Variants in RFTN2 observed in about 807,000 individuals in gnomAD.
The protein encoded by RFTN2 is raftlin-2.
RFTN2 carries 34 observed loss-of-function variants against 52.7 expected under a neutral mutation model. The ratio of observed to expected loss-of-function variants is 0.64; its 90% confidence interval spans 0.49 to 0.86. The LOEUF (loss-of-function observed/expected upper bound fraction) is 0.86. Among genes scored for constraint, RFTN2 ranks in the 40% least tolerant of loss-of-function variants. The probability of loss-of-function intolerance (pLI) is 0.00; values close to 1 mark genes in which losing one functional copy is unlikely to be tolerated. For missense variants in RFTN2, 536 were observed against 600.1 expected (o/e 0.89, Z 1.12); for synonymous variants, 203 against 217.7 (o/e 0.93, Z 0.59).
intron 1 of RFTN2, among the ~76,000 whole-genome samples, chr2:197,662,740 C>G (rs1296886679): frequency 6.6e-6 from 1 of 151,832 alleles, no homozygotes; most frequent in Non-Finnish European, 1.5e-5. Flanking sequence ...CATGAGATGT[C>G]TTTTCTTTTG....
Position 197,595,996 on chromosome 2 carries a change from G to T in RFTN2, c.1228C>A (p.Pro410Thr), listed in dbSNP as rs1226130777. 1.2e-6 allele frequency: 2 copies of T among 1,600,954 alleles called. No homozygotes were observed. Among genetic ancestry groups the T allele is most frequent in the African/African-American group, 2.7e-5 (2 of 74,746 alleles). Residue 410 changes from proline (P) to threonine (T), a missense_variant, in exon 8 of 9, where the codon CCA becomes ACA. By Grantham distance (38) the Pro-to-Thr change is conservative. Coordinates refer to ENST00000295049, the MANE Select transcript of RFTN2 (RefSeq NM_144629.3). ...PVMWNSAAQT[P>T]DKKASRHIKG... ...AAAGCATCAATTTTACTCACATCTG[G>T]TGTTTGAGCAGCTGAATTCCACATA... is the stretch of plus-strand genomic sequence containing the variant.
At chr2:197,644,799 G>A (rs2088725417) in intron 2 of RFTN2, among the ~76,000 whole-genome samples, 1 of 152,152 alleles carries the variant, frequency 6.6e-6, no homozygotes, top group East Asian at 1.9e-4. Context: ...TGTCATGTTT[G>A]CTTAGTAATG....
intron 1 of RFTN2, among the ~76,000 whole-genome samples, chr2:197,648,909 T>G (rs2088788968): frequency 6.6e-6 from 1 of 152,198 alleles, no homozygotes; most frequent in African/African-American, 2.4e-5. Flanking sequence ...CTTATCAGAT[T>G]GTATTATAGT....
chr2:197,632,490 G>A (rs985356404), intron 4 of RFTN2, among the ~76,000 whole-genome samples: 2 of 152,166 alleles, frequency 1.3e-5, no homozygotes, highest in East Asian at 1.9e-4. Flanking sequence ...TGCCATGATT[G>A]TCAGTTTCCT....
intron 7 of RFTN2, among the ~76,000 whole-genome samples, chr2:197,599,076 C>T (rs1219315693): frequency 6.6e-6 from 1 of 151,966 alleles, no homozygotes; most frequent in Non-Finnish European, 1.5e-5. Context: ...CTCAGCCTCC[C>T]GAGTAGCTGG....
chr2:197,651,356 C>T (rs184894202), intron 1 of RFTN2, among the ~76,000 whole-genome samples: 119 of 152,254 alleles, frequency 7.8e-4, no homozygotes, highest in African/African-American at 2.7e-3. Flanking sequence ...CAGTGGCTCA[C>T]GCCCGTAATC....
intron 7 of RFTN2, among the ~76,000 whole-genome samples, chr2:197,605,285 G>A (rs944550827): frequency 5.3e-4 from 80 of 151,330 alleles, no homozygotes; most frequent in African/African-American, 1.8e-3. Flanking sequence ...ACGCAATCTC[G>A]GCTCACTGCC....
intron 7 of RFTN2, among the ~76,000 whole-genome samples, chr2:197,610,755 C>A (rs1474517307): frequency 1.3e-5 from 2 of 152,044 alleles, no homozygotes; most frequent in Admixed American, 1.3e-4. Context: ...GGGTTTGTCA[C>A]AAATAGCTCT....
At chr2:197,612,666 A>G (rs2088082183) in intron 7 of RFTN2, among the ~76,000 whole-genome samples, 1 of 152,228 alleles carries the variant, frequency 6.6e-6, no homozygotes, top group Admixed American at 6.5e-5. Flanking sequence ...ACTCTGGAAT[A>G]ATGTGGTGAT....
intron 8 of RFTN2, among the ~76,000 whole-genome samples, chr2:197,594,015 CTTT>C (rs11352058): frequency 1.8e-4 from 17 of 95,974 alleles, no homozygotes; most frequent in Non-Finnish European, 1.4e-4. Context: ...CAGAATATTT[CTTT>C]TTTTTTTTTT....
chr2:197,669,302 T>C (rs2106275220), intron 1 of RFTN2, among the ~76,000 whole-genome samples: 1 of 152,318 alleles, frequency 6.6e-6, no homozygotes, highest in African/African-American at 2.4e-5. Context: ...CCACAGAGTT[T>C]TCTCTCTTCT....
chr2:197,664,774 G>C (rs1288945090), intron 1 of RFTN2, among the ~76,000 whole-genome samples: 1 of 152,106 alleles, frequency 6.6e-6, no homozygotes, highest in Admixed American at 6.5e-5. Context: ...AACAGAGCGA[G>C]AACTTATCTC....
intron 8 of RFTN2, among the ~76,000 whole-genome samples, chr2:197,589,825 T>C (rs939368718): frequency 1.3e-5 from 2 of 152,194 alleles, no homozygotes; most frequent in African/African-American, 2.4e-5. Context: ...CTGTTAACAG[T>C]GTCATTCACA....
At chr2:197,581,459 C>G (rs956039124) in intron 8 of RFTN2, among the ~76,000 whole-genome samples, 1 of 152,198 alleles carries the variant, frequency 6.6e-6, no homozygotes, top group African/African-American at 2.4e-5. Context: ...TACCTGGGCT[C>G]TACTGCCGCA....
intron 5 of RFTN2, among the ~76,000 whole-genome samples, chr2:197,622,208 A>G (rs2088277448): frequency 1.3e-5 from 2 of 152,250 alleles, no homozygotes; most frequent in Admixed American, 6.5e-5. Context: ...AAGGTGAAGG[A>G]GCAAGTGCTA....
intron 8 of RFTN2, among the ~76,000 whole-genome samples, chr2:197,583,546 G>A (rs1357656030): frequency 6.6e-6 from 1 of 151,920 alleles, no homozygotes; most frequent in African/African-American, 2.4e-5. Flanking sequence ...TTCAGGAAAG[G>A]TAGAACGGAC....
intron 3 of RFTN2, among the ~76,000 whole-genome samples, chr2:197,640,319 C>G (rs1321435248): frequency 6.6e-6 from 1 of 152,086 alleles, no homozygotes; most frequent in African/African-American, 2.4e-5. Context: ...CAATGGCGGG[C>G]GCCCCTCCCC....
intron 1 of RFTN2, among the ~76,000 whole-genome samples, chr2:197,659,283 G>T (rs1487549797): frequency 6.6e-6 from 1 of 151,182 alleles, no homozygotes; most frequent in Non-Finnish European, 1.5e-5. Flanking sequence ...GGTGGATCAG[G>T]TGGTCAGGAG....
chr2:197,593,899 A>G (rs1301094817), intron 8 of RFTN2, among the ~76,000 whole-genome samples: 1 of 151,710 alleles, frequency 6.6e-6, no homozygotes, highest in African/African-American at 2.4e-5. Context: ...AAAAAAAAAA[A>G]AGAATAAGAA....
Sources: allele counts gnomAD v4.1 joint callset (sites outside exome capture counted in the v4.1 genomes callset), GRCh38; gene constraint gnomAD v4.1.1; transcripts MANE v1.5; gene names NCBI Gene and HGNC (gene_info 2026-07-23, HGNC 2026-07-21).